The following TRAF3IP2 variants were observed in gnomAD, a reference collection of about 807,000 sequenced individuals.
The protein encoded by TRAF3IP2 is E3 ubiquitin ligase TRAF3IP2.
Under a neutral mutation model 57.9 loss-of-function variants are expected in TRAF3IP2, and 35 were observed. That is an observed-to-expected ratio of 0.60 (90% CI 0.46 to 0.80). The LOEUF is 0.80. Ranked by LOEUF, TRAF3IP2 falls within the 30% of genes least tolerant of loss-of-function variation. The pLI, the probability that TRAF3IP2 is intolerant of heterozygous loss-of-function variation, is 0.00. For synonymous variants in TRAF3IP2, 251 were observed against 268.9 expected, an observed-to-expected ratio of 0.93 and a Z score of 0.65; for missense variants, 556 against 706.4, an observed-to-expected ratio of 0.79 and a Z score of 2.41.
intron 6 of TRAF3IP2, chr6:111,567,251 C>T: frequency 2.9e-6 from 3 of 1,019,758 alleles, no homozygotes; most frequent in Non-Finnish European, 3.5e-6. Context: ...TGCGAGGCTG[C>T]CTAGGAAACC....
intron 1 of TRAF3IP2, among the ~76,000 whole-genome samples, chr6:111,596,514 C>T (rs188086243): frequency 0.058 from 8,761 of 152,218 alleles, 451 homozygotes; most frequent in African/African-American, 0.14. Flanking sequence ...AGTGCAGTGG[C>T]ACAATCTCGG....
chr6:111,565,048 T>C (rs1486483942), intron 7 of TRAF3IP2, among the ~76,000 whole-genome samples: 3 of 152,164 alleles, frequency 2.0e-5, no homozygotes, highest in East Asian at 3.9e-4. Context: ...GTGAGACTGG[T>C]TGAGACCAGA....
chr6:111,580,619 T>C (rs1796127789), intron 2 of TRAF3IP2, among the ~76,000 whole-genome samples: 2 of 152,236 alleles, frequency 1.3e-5, no homozygotes, highest in Admixed American at 1.3e-4. Context: ...ATCACCAGTT[T>C]GGTATTCCAG....
At chr6:111,593,123 G>T (rs1461178309) in intron 1 of TRAF3IP2, among the ~76,000 whole-genome samples, 1 of 152,218 alleles carries the variant, frequency 6.6e-6, no homozygotes, top group Admixed American at 6.5e-5. Flanking sequence ...GGACTGCACA[G>T]GAGCAACTGG....
intron 1 of TRAF3IP2, among the ~76,000 whole-genome samples, chr6:111,596,357 A>G (rs1323539328): frequency 6.6e-6 from 1 of 152,080 alleles, no homozygotes; most frequent in African/African-American, 2.4e-5. Context: ...CAGTACCTAG[A>G]TCATGGTTCA....
At chr6:111,588,290 C>T (rs1166800876) in intron 2 of TRAF3IP2, among the ~76,000 whole-genome samples, 1 of 152,074 alleles carries the variant, frequency 6.6e-6, no homozygotes, top group East Asian at 1.9e-4. Context: ...CTTTTCGCCC[C>T]AAGGATCCTA....
chr6:111,563,017 T>A lies in TRAF3IP2; in HGVS notation c.1499A>T (p.Gln500Leu). 6.2e-7 allele frequency: 1 copy of A among 1,613,290 alleles called. No individual in the cohort carries two copies. The highest frequency in any genetic ancestry group is 8.5e-7 in the Non-Finnish European group (1 of 1,179,778). Residue 500 changes from glutamine to leucine, a missense_variant, in exon 8 of 9, where the codon CAA becomes CTA. Around this residue, in one of 2 missense-constraint regions of TRAF3IP2, gnomAD observed 128 missense variants for 207.7 expected, o/e 0.62. Transcript: ENST00000368761. ...HRMMQIEFIK[Q>L]GSMNFRFIPV... The stretch of plus-strand genomic sequence containing the variant: ...GATGAATCTGAAATTCATGCTTCCT[T>A]GTTTTATGAACTCAATCTGCATCTG...
Position 111,591,210 on chromosome 6 carries a change from C to A in TRAF3IP2, c.829+48G>T. 2 of 1,410,146 alleles carry A rather than the reference C, an allele frequency of 1.4e-6. No individual in the cohort carries two copies. Among genetic ancestry groups the A allele is most frequent in the Non-Finnish European group, 1.9e-6 (2 of 1,063,312 alleles). 87.4% of individuals were successfully genotyped at this position (1,410,146 alleles called of 1,614,324 possible). A position where few individuals can be genotyped will look rare whatever the true frequency, so the allele number is the denominator to read the frequency against. The stretch of plus-strand genomic sequence containing the variant: ...AAGCATTGATGTGAGGCCCTTGTTT[C>A]TTCAGTCACCCAGCCCAGAATGCCC... On this transcript the variant is annotated intron_variant, in intron 2 of 8. Coordinates refer to ENST00000368761, the MANE Select transcript of TRAF3IP2 (RefSeq NM_147686.4). This position sits in a 1 kb window ranked among gnomAD's most constrained non-coding sequence, Gnocchi z 4.9.
chr6:111,591,661 T>C lies in TRAF3IP2; in HGVS notation c.426A>G (p.Val142=). The C allele has an allele frequency of 3.1e-6, 5 of 1,614,234 alleles. No homozygotes were observed. Among genetic ancestry groups the C allele is most frequent in the Non-Finnish European group, 4.2e-6 (5 of 1,180,042 alleles). The change falls in exon 2 of 9, where the codon GTA becomes GTG. Residue 142 remains valine (V), a synonymous_variant. Coordinates refer to ENST00000368761, the MANE Select transcript of TRAF3IP2 (RefSeq NM_147686.4). This position sits in a 1 kb window ranked among gnomAD's most constrained non-coding sequence, Gnocchi z 4.9. ...SFMEKRNQWL[V]SQLSAASPDT... The stretch of plus-strand genomic sequence containing the variant: ...CAGGAGAAGCCGCTGAAAGCTGAGA[T>C]ACCAGCCATTGATTACGTTTTTCCA...
chr6:111,572,840 C>T, intron 5 of TRAF3IP2, 55 bp downstream of exon 5: 1 of 1,346,520 alleles, frequency 7.4e-7, no homozygotes, highest in Non-Finnish European at 1.1e-6. Flanking sequence ...TGCTGCTTTT[C>T]TCTCCATTGT....
chr6:111,576,662 G>A (rs2038014), intron 3 of TRAF3IP2: 118,744 of 152,166 alleles, frequency 0.78, 46,824 homozygotes, highest in East Asian at 1. Flanking sequence ...CTTCCTGACC[G>A]CCAGAGGAGA....
At chr6:111,569,474 G>A (rs899725939) in intron 5 of TRAF3IP2, among the ~76,000 whole-genome samples, 9 of 152,214 alleles carry the variant, frequency 5.9e-5, no homozygotes, top group Admixed American at 2.0e-4. Flanking sequence ...ATAATTGGCC[G>A]GGCGTGGTGG....
intron 7 of TRAF3IP2, 29 bp downstream of exon 7, chr6:111,566,415 T>G: frequency 3.1e-5 from 48 of 1,535,306 alleles, no homozygotes; most frequent in Non-Finnish European, 4.0e-5. Context: ...CAGGGGACAG[T>G]GAGGTGTTGT....
At chr6:111,590,181 G>A (rs1020205567) in intron 2 of TRAF3IP2, among the ~76,000 whole-genome samples, 3 of 152,232 alleles carry the variant, frequency 2.0e-5, no homozygotes, top group Non-Finnish European at 2.9e-5. Context: ...TATTTCGGAA[G>A]TAGTTTATTG....
At chr6:111,560,558 A>G (rs1243231053) in intron 8 of TRAF3IP2, among the ~76,000 whole-genome samples, 9 of 152,198 alleles carry the variant, frequency 5.9e-5, no homozygotes, top group Non-Finnish European at 1.5e-5. Context: ...AGGATGCCCA[A>G]ATGAAAAGGA....
chr6:111,575,757 C>T lies in TRAF3IP2; in HGVS notation c.1087G>A (p.Ala363Thr). Residue 363 changes from alanine (A) to threonine (T), a missense_variant, in exon 4 of 9, where the codon GCA becomes ACA. Transcript: ENST00000368761. Reference protein sequence around the residue: ...GAPGESLECPAELRPQVPQPP... With the variant: ...GAPGESLECPTELRPQVPQPP... The stretch of plus-strand genomic sequence containing the variant: ...TGGGGAACCTGTGGTCTCAGCTCTG[C>T]AGGGCACTCCAAGGACTCCCCAGGA... The T allele has an allele frequency of 1.2e-6, 2 of 1,611,742 alleles. No individual in the cohort carries two copies. Among genetic ancestry groups the T allele is most frequent in the South Asian group, 2.2e-5 (2 of 90,780 alleles).
At chr6:111,592,209 C>T in intron 1 of TRAF3IP2, 115 bp from the exon 2 acceptor site, 2 of 892,048 alleles carry the variant, frequency 2.2e-6, no homozygotes, top group Non-Finnish European at 3.5e-6. Flanking sequence ...CAGTGAGACA[C>T]CAATGTGCTT....
At chr6:111,576,649 A>G (rs9320367) in intron 3 of TRAF3IP2, 71,562 of 152,054 alleles carry the variant, frequency 0.47, 18,788 homozygotes, top group African/African-American at 0.72. Context: ...TCTGATTCTC[A>G]ACCTTCCTGA....
intron 6 of TRAF3IP2, chr6:111,567,243 C>G: frequency 9.8e-7 from 1 of 1,015,400 alleles, no homozygotes; most frequent in Non-Finnish European, 1.2e-6. Flanking sequence ...GTGCAGCCTG[C>G]GAGGCTGCCT....
Sources: gnomAD v4.1 joint callset for allele counts (sites outside exome capture counted in the v4.1 genomes callset) on GRCh38, gnomAD v4.1.1 for gene constraint, gnomAD v4.1.1 regional missense constraint, Gnocchi (gnomAD v3.1) non-coding constraint, MANE v1.5 for transcripts, NCBI Gene and HGNC (gene_info 2026-07-23, HGNC 2026-07-21) for gene names.